The following DIS3L2 variants were observed in gnomAD, a reference collection of about 807,000 sequenced individuals.
The protein encoded by DIS3L2 is DIS3-like exonuclease 2.
DIS3L2 carries 34 observed loss-of-function variants against 97.5 expected under a neutral mutation model. That is an observed-to-expected ratio of 0.35 (90% CI 0.27 to 0.46). The LOEUF (loss-of-function observed/expected upper bound fraction) is 0.46. Among genes scored for constraint, DIS3L2 ranks in the 20% least tolerant of loss-of-function variants. The pLI, the probability that DIS3L2 is intolerant of heterozygous loss-of-function variation, is 1.00. For synonymous variants in DIS3L2, 435 were observed against 445.2 expected (o/e 0.98, Z 0.29); for missense variants, 1,038 against 1,146.0 (o/e 0.91, Z 1.36).
chr2:232,205,006 T>G (rs781497868), intron 9 of DIS3L2, among the ~76,000 whole-genome samples: 1 of 152,214 alleles, frequency 6.6e-6, no homozygotes, highest in Non-Finnish European at 1.5e-5. Context: ...AGAGGAAGCT[T>G]GGAGTCTGCT....
chr2:232,296,556 G>C (rs1446299265), intron 13 of DIS3L2, among the ~76,000 whole-genome samples: 1 of 152,158 alleles, frequency 6.6e-6, no homozygotes, highest in Non-Finnish European at 1.5e-5. Flanking sequence ...CTTTCCCTGT[G>C]CTGTTCTCGT....
chr2:232,202,503 T>C (rs557406047), intron 9 of DIS3L2, among the ~76,000 whole-genome samples: 1 of 152,338 alleles, frequency 6.6e-6, no homozygotes, highest in South Asian at 2.1e-4. Context: ...TTTCAGTTTG[T>C]TTGGATTAAG....
chr2:232,334,343 T>C, intron 17 of DIS3L2, 26 bp from the exon 18 acceptor site: 3 of 1,609,228 alleles, frequency 1.9e-6, no homozygotes, highest in East Asian at 2.2e-5. Flanking sequence ...AGGCTCCCAC[T>C]CTCATGCCTC....
chr2:232,210,429 T>C, intron 10 of DIS3L2, 24 bp downstream of exon 10: 1 of 1,603,820 alleles, frequency 6.2e-7, no homozygotes, highest in Non-Finnish European at 8.5e-7. Flanking sequence ...TTCTATAGCA[T>C]CTTGGGTAGC....
At chr2:232,230,381 C>T (rs555606415) in intron 10 of DIS3L2, among the ~76,000 whole-genome samples, 3 of 152,202 alleles carry the variant, frequency 2.0e-5, no homozygotes, top group Non-Finnish European at 4.4e-5. Flanking sequence ...GTTTGAACAG[C>T]GGAACATCCC....
At position 232,025,389 on chromosome 2, in the gene DIS3L2, G is replaced by A. The variant is rs527996638; in HGVS notation, c.264+1059G>A. Among the ~76,000 whole-genome samples the A allele has an allele frequency of 8.5e-5, 13 of 152,136 alleles. No homozygotes were observed. The South Asian group carries it at 2.5e-3, about 29-fold the overall frequency. On this transcript the variant is annotated intron_variant, in intron 4 of 20. Coordinates refer to ENST00000325385, the MANE Select transcript of DIS3L2 (RefSeq NM_152383.5). ...ATGCTCAAGTGATATTATTGTTATT[G>A]TTACAATAACCTTATGACCTATTCT...
Position 232,014,955 on chromosome 2 carries a change from C to T in DIS3L2, c.28C>T (p.Leu10Phe), listed in dbSNP as rs574055101. 1 of 1,613,954 alleles carries T rather than the reference C, an allele frequency of 6.2e-7. No homozygotes were observed. The highest frequency in any genetic ancestry group is 8.5e-7 in the Non-Finnish European group (1 of 1,179,942). The stretch of plus-strand genomic sequence containing the variant: ...GAGCCATCCTGACTACAGAATGAAC[C>T]TCCGGCCCCTGGGGACCCCCAGAGG... MSHPDYRMN[L>F]RPLGTPRGVS... Residue 10 changes from leucine (L) to phenylalanine (F), a missense_variant, in exon 2 of 21, where the codon CTC (leucine) becomes TTC (phenylalanine). Leu to Phe is a conservative substitution (Grantham distance 22, BLOSUM62 0). Around this residue, in one of 3 missense-constraint regions of DIS3L2, gnomAD observed 813 missense variants for 880.1 expected, o/e 0.92. Coordinates refer to ENST00000325385, the MANE Select transcript of DIS3L2 (RefSeq NM_152383.5).
chr2:232,078,085 C>A (rs531987681), intron 5 of DIS3L2, among the ~76,000 whole-genome samples: 473 of 147,374 alleles, frequency 3.2e-3, no homozygotes, highest in South Asian at 6.7e-3. Flanking sequence ...GCTCTGTCAC[C>A]CAGGCTGGAG....
chr2:232,256,149 G>GC (rs1693556479), intron 12 of DIS3L2, among the ~76,000 whole-genome samples: 1 of 152,090 alleles, frequency 6.6e-6, no homozygotes, highest in Non-Finnish European at 1.5e-5. Context: ...AAGATAAAAC[G>GC]CCCCCTTACA....
At chr2:232,200,623 A>C (rs529343331) in intron 9 of DIS3L2, among the ~76,000 whole-genome samples, 3 of 152,196 alleles carry the variant, frequency 2.0e-5, no homozygotes, top group African/African-American at 7.2e-5. Flanking sequence ...TGACACTAAA[A>C]AAAAAAATTG....
chr2:232,283,933 C>T (rs1380979568), intron 13 of DIS3L2, among the ~76,000 whole-genome samples: 3 of 152,216 alleles, frequency 2.0e-5, no homozygotes, highest in South Asian at 4.1e-4. Context: ...CAGTTTCCTG[C>T]GTTTGATATT....
At chr2:232,131,638 G>A (rs1698219132) in intron 7 of DIS3L2, 1 of 152,026 alleles carries the variant, frequency 6.6e-6, no homozygotes, top group Non-Finnish European at 1.5e-5. Flanking sequence ...ATGGTGAAGG[G>A]CAACGTATAA....
intron 5 of DIS3L2, among the ~76,000 whole-genome samples, chr2:232,032,362 T>G (rs1559557071): frequency 6.6e-6 from 1 of 152,246 alleles, no homozygotes; most frequent in Non-Finnish European, 1.5e-5. Context: ...TTTGTTTTCT[T>G]GTAAATTTGT....
At position 232,281,195 on chromosome 2, in the gene DIS3L2, C is replaced by T. The variant is rs188995756; in HGVS notation, c.1659+17755C>T. On this transcript the variant is annotated intron_variant, in intron 13 of 20. Coordinates refer to ENST00000325385, the MANE Select transcript of DIS3L2 (RefSeq NM_152383.5). This position sits in a 1 kb window ranked among gnomAD's most constrained non-coding sequence, Gnocchi z 4.1. ...CGGGTGGATCACAAGGTCAGGAGAT[C>T]GAGACCATCCTGGCTAACATGGTGA... 0.02 allele frequency among the ~76,000 whole-genome samples: 3,033 copies of T among 152,186 alleles called. 104 individuals carry two copies. Among genetic ancestry groups the T allele is most frequent in the African/African-American group, 0.07 (2,898 of 41,500 alleles).
At chr2:232,114,446 AT>A (rs758833065) in intron 6 of DIS3L2, among the ~76,000 whole-genome samples, 2 of 152,190 alleles carry the variant, frequency 1.3e-5, no homozygotes, top group South Asian at 2.1e-4. Context: ...AAATAAAAAA[AT>A]AAAAGACCAA....
At chr2:232,314,720 A>G (rs1237453103) in intron 14 of DIS3L2, among the ~76,000 whole-genome samples, 3 of 152,244 alleles carry the variant, frequency 2.0e-5, no homozygotes, top group East Asian at 1.9e-4. Flanking sequence ...TCACGTTGCC[A>G]TTTGCTTTCT....
intron 13 of DIS3L2, among the ~76,000 whole-genome samples, chr2:232,298,134 G>A (rs1694766027): frequency 6.6e-6 from 1 of 152,172 alleles, no homozygotes; most frequent in Non-Finnish European, 1.5e-5. Flanking sequence ...CCTAAGCCAT[G>A]TAACAACTAC....
intron 4 of DIS3L2, among the ~76,000 whole-genome samples, chr2:232,029,605 C>T (rs1005090905): frequency 3.1e-4 from 47 of 151,954 alleles, no homozygotes; most frequent in Non-Finnish European, 6.2e-4. Context: ...TTGCCCTCTA[C>T]TTAGGTCTCC....
intron 9 of DIS3L2, 150 bp from the exon 10 acceptor site, chr2:232,210,176 T>G (rs1692147669): frequency 1.8e-6 from 1 of 568,528 alleles, no homozygotes; most frequent in Non-Finnish European, 3.3e-6. Context: ...GTCTCACATT[T>G]AACTAAAGAT....
Sources: gnomAD v4.1 joint callset for allele counts (sites outside exome capture counted in the v4.1 genomes callset) on GRCh38, gnomAD v4.1.1 for gene constraint, gnomAD v4.1.1 regional missense constraint, Gnocchi (gnomAD v3.1) non-coding constraint, MANE v1.5 for transcripts, NCBI Gene and HGNC (gene_info 2026-07-23, HGNC 2026-07-21) for gene names.